CHST11: variants seen among roughly 807,000 people sequenced by gnomAD.
CHST11 encodes the protein C4S-1.
In CHST11, 9 loss-of-function variants were observed where a neutral mutation model predicts 30.4. That is an observed-to-expected ratio of 0.30 (90% CI 0.18 to 0.52). The LOEUF is 0.52. Among genes scored for constraint, CHST11 ranks in the 20% least tolerant of loss-of-function variants. The probability of loss-of-function intolerance (pLI) is 0.97; values close to 1 mark genes in which losing one functional copy is unlikely to be tolerated. For missense variants in CHST11, 348 were observed against 460.6 expected, an observed-to-expected ratio of 0.76 and a Z score of 2.24; for synonymous variants, 152 against 187.8, an observed-to-expected ratio of 0.81 and a Z score of 1.56.
chr12:104,628,754 A>G (rs2039243757), intron 2 of CHST11, among the ~76,000 whole-genome samples: 2 of 151,774 alleles, frequency 1.3e-5, no homozygotes, highest in South Asian at 4.2e-4. Context: ...CTTCACCTCT[A>G]CTTGGCTGAC....
chr12:104,473,928 C>T (rs533726152), intron 1 of CHST11, among the ~76,000 whole-genome samples: 28 of 152,072 alleles, frequency 1.8e-4, no homozygotes, highest in South Asian at 8.4e-4. Context: ...CCACCACCAC[C>T]ACCACCACCA....
At chr12:104,518,471 G>A (rs2038046463) in intron 1 of CHST11, among the ~76,000 whole-genome samples, 1 of 152,114 alleles carries the variant, frequency 6.6e-6, no homozygotes, top group Admixed American at 6.6e-5. Context: ...GATTCAGTTG[G>A]ACTCTGATAA....
At chr12:104,469,351 G>A (rs1218642517) in intron 1 of CHST11, among the ~76,000 whole-genome samples, 2 of 152,168 alleles carry the variant, frequency 1.3e-5, no homozygotes, top group Non-Finnish European at 2.9e-5. Flanking sequence ...TGCAGTGACC[G>A]CAGCATTTCC....
At chr12:104,481,116 GTAACA>G (rs2037618076) in intron 1 of CHST11, among the ~76,000 whole-genome samples, 1 of 152,182 alleles carries the variant, frequency 6.6e-6, no homozygotes, top group Non-Finnish European at 1.5e-5. Flanking sequence ...CTGCTCTGCT[GTAACA>G]CTGCAAAGGT....
intron 1 of CHST11, among the ~76,000 whole-genome samples, chr12:104,538,173 CAT>C (rs1757960793): frequency 6.6e-6 from 1 of 152,190 alleles, no homozygotes; most frequent in South Asian, 2.1e-4. Context: ...TCTTCATAGG[CAT>C]GTGGCTGTGG....
chr12:104,513,961 G>A (rs2037995436), intron 1 of CHST11: 3 of 608,118 alleles, frequency 4.9e-6, no homozygotes, highest in Admixed American at 2.3e-5. Flanking sequence ...AAGAAGAGAG[G>A]GTTAGAGCTG....
chr12:104,625,929 G>A (rs2039210077), intron 2 of CHST11, among the ~76,000 whole-genome samples: 1 of 152,188 alleles, frequency 6.6e-6, no homozygotes, highest in Non-Finnish European at 1.5e-5. Flanking sequence ...TTAATAGTGT[G>A]AACATAATTA....
At chr12:104,701,241 C>T (rs1204901073) in intron 2 of CHST11, among the ~76,000 whole-genome samples, 1 of 152,212 alleles carries the variant, frequency 6.6e-6, no homozygotes, top group Non-Finnish European at 1.5e-5. Flanking sequence ...TGTCTTTCTG[C>T]CCAGAATGTG....
At chr12:104,706,462 GGAGA>G (rs150610226) in intron 2 of CHST11, among the ~76,000 whole-genome samples, 40 of 145,380 alleles carry the variant, frequency 2.8e-4, no homozygotes, top group Non-Finnish European at 5.4e-4. Flanking sequence ...GGATGGAGAG[GGAGA>G]GAGAGAGAGA....
chr12:104,716,172 C>T (rs899474249), intron 2 of CHST11, among the ~76,000 whole-genome samples: 2 of 152,342 alleles, frequency 1.3e-5, no homozygotes, highest in South Asian at 2.1e-4. Flanking sequence ...GAGCCAATGT[C>T]GCAGACATCT....
intron 1 of CHST11, among the ~76,000 whole-genome samples, chr12:104,539,159 G>A (rs570710334): frequency 3.3e-5 from 5 of 152,264 alleles, no homozygotes; most frequent in African/African-American, 9.6e-5. Flanking sequence ...TTGATAACGC[G>A]ACTCTTCACT....
chr12:104,649,555 A>G (rs535291239), intron 2 of CHST11, among the ~76,000 whole-genome samples: 4 of 152,218 alleles, frequency 2.6e-5, no homozygotes, highest in Non-Finnish European at 4.4e-5. Flanking sequence ...GCTTCTGTCT[A>G]AAAGCAGTCT....
At chr12:104,666,491 C>T (rs749331964) in intron 2 of CHST11, among the ~76,000 whole-genome samples, 2 of 152,146 alleles carry the variant, frequency 1.3e-5, no homozygotes, top group African/African-American at 2.4e-5. Flanking sequence ...AATTTCCTTC[C>T]GTTGTTCTTG....
chr12:104,656,481 CTT>C (rs754407510), intron 2 of CHST11, among the ~76,000 whole-genome samples: 2 of 152,318 alleles, frequency 1.3e-5, no homozygotes, highest in Non-Finnish European at 2.9e-5. Flanking sequence ...GCCACAGTAA[CTT>C]TGCATAGATC....
chr12:104,605,874 G>A (rs891286554), intron 2 of CHST11, among the ~76,000 whole-genome samples: 1 of 152,182 alleles, frequency 6.6e-6, no homozygotes, highest in Non-Finnish European at 1.5e-5. Flanking sequence ...GGGCGAGACA[G>A]CTTGTCCTTC....
intron 2 of CHST11, among the ~76,000 whole-genome samples, chr12:104,661,361 T>C (rs2039596718): frequency 6.6e-6 from 1 of 152,108 alleles, no homozygotes; most frequent in Non-Finnish European, 1.5e-5. Context: ...AAGACCAGCC[T>C]GGGCAATATG....
chr12:104,513,966 G>C, intron 1 of CHST11: 1 of 627,460 alleles, frequency 1.6e-6, no homozygotes, highest in Non-Finnish European at 2.9e-6. Flanking sequence ...GAGAGGGTTA[G>C]AGCTGGGCGA....
intron 1 of CHST11, among the ~76,000 whole-genome samples, chr12:104,474,608 G>A (rs2037540420): frequency 6.6e-6 from 1 of 152,240 alleles, no homozygotes; most frequent in Non-Finnish European, 1.5e-5. Flanking sequence ...TGTGCAGGAT[G>A]TTGTCATTGG....
chr12:104,708,875 A>T (rs927155022), intron 2 of CHST11, among the ~76,000 whole-genome samples: 16 of 152,338 alleles, frequency 1.1e-4, no homozygotes, highest in South Asian at 4.1e-4. Context: ...CCCAGTGAGC[A>T]TCGGTTGAAA....
Sources: gnomAD v4.1 joint callset for allele counts (sites outside exome capture counted in the v4.1 genomes callset) on GRCh38, gnomAD v4.1.1 for gene constraint, MANE v1.5 for transcripts, NCBI Gene and HGNC (gene_info 2026-07-23, HGNC 2026-07-21) for gene names.